Variants in ADCY3 observed in about 807,000 individuals in gnomAD.
ADCY3 encodes adenylate cyclase 3.
In ADCY3, 70 loss-of-function variants were observed where a neutral mutation model predicts 119.4. The ratio of observed to expected loss-of-function variants is 0.59; its 90% CI spans 0.48 to 0.72. The LOEUF is 0.72. ADCY3 is among the 30% of genes least tolerant of loss of function. The probability of loss-of-function intolerance (pLI) is 0.00; values close to 1 mark genes in which losing one functional copy is unlikely to be tolerated. For synonymous variants in ADCY3, 672 were observed against 621.4 expected (o/e 1.08, Z -1.21); for missense variants, 1,238 against 1,541.6 (o/e 0.80, Z 3.30).
chr2:24,886,639 T>C (rs986023820), intron 2 of ADCY3, among the ~76,000 whole-genome samples: 3 of 151,758 alleles, frequency 2.0e-5, no homozygotes, highest in African/African-American at 7.3e-5. Flanking sequence ...CCGAGATGGG[T>C]GTGAGCTGCG....
intron 2 of ADCY3, among the ~76,000 whole-genome samples, chr2:24,895,355 G>A (rs992306417): frequency 6.6e-6 from 1 of 152,128 alleles, no homozygotes; most frequent in African/African-American, 2.4e-5. Context: ...CCAAAGTGCT[G>A]AGATTACAGG....
At chr2:24,864,541 C>G (rs556000527) in intron 3 of ADCY3, among the ~76,000 whole-genome samples, 1 of 152,216 alleles carries the variant, frequency 6.6e-6, no homozygotes, top group South Asian at 2.1e-4. Flanking sequence ...TCAGCCTTAA[C>G]GGGAAAGAAA....
At chr2:24,888,244 G>A (rs1677294012) in intron 2 of ADCY3, among the ~76,000 whole-genome samples, 1 of 152,218 alleles carries the variant, frequency 6.6e-6, no homozygotes, top group Non-Finnish European at 1.5e-5. Context: ...CAGCCTCTGA[G>A]GTGGAATGCT....
At chr2:24,856,492 G>A (rs957059176) in intron 3 of ADCY3, among the ~76,000 whole-genome samples, 6 of 152,192 alleles carry the variant, frequency 3.9e-5, no homozygotes, top group Non-Finnish European at 5.9e-5. Flanking sequence ...CACCCCACCA[G>A]GGCGTCCATC....
Position 24,899,072 on chromosome 2 carries a change from C to A in ADCY3, c.675+19241G>T, listed in dbSNP as rs1024549212. The stretch of plus-strand genomic sequence containing the variant: ...GTCACTGGCTTCCAATGTCCCCCTA[C>A]CCCTCCCACCTTTTCCCAGCTCACC... On this transcript the variant is annotated intron_variant, in intron 2 of 21. Transcript: ENST00000679454. This position sits in a 1 kb window ranked among gnomAD's most constrained non-coding sequence, Gnocchi z 4.5. 6.6e-6 allele frequency among the ~76,000 whole-genome samples: 1 copy of A among 152,104 alleles called. No homozygotes were observed. Among genetic ancestry groups the A allele is most frequent in the African/African-American group, 2.4e-5 (1 of 41,420 alleles).
intron 3 of ADCY3, among the ~76,000 whole-genome samples, chr2:24,849,107 T>C (rs1207170344): frequency 2.0e-5 from 3 of 152,174 alleles, no homozygotes; most frequent in African/African-American, 7.2e-5. Context: ...CTGGCCTCCC[T>C]CCCAGCCTAC....
intron 2 of ADCY3, among the ~76,000 whole-genome samples, chr2:24,882,665 A>T (rs1676534953): frequency 6.6e-6 from 1 of 152,242 alleles, no homozygotes; most frequent in Non-Finnish European, 1.5e-5. Context: ...CAAAGTGGTC[A>T]GTTCAACTCT....
rs143199260 is a variant in ADCY3 at position 24,918,588 on chromosome 2, C to A, written c.400G>T (p.Val134Phe). 5.6e-6 allele frequency: 9 copies of A among 1,614,022 alleles called. No individual in the cohort carries two copies. In the African/African-American group the frequency reaches 1.2e-4, roughly 22 times the overall value. ...ACGTAGGGCAGCACTCTGCGGGTGA[C>A]CCGGTCCGGGAGCAGCCCCTTTTTG... ...LCKKGLLPDR[V>F]TRRVLPYVLW... is the part of the protein sequence containing the mutation. Residue 134 changes from valine (V) to phenylalanine (F), a missense_variant, in exon 2 of 22, where the codon GTC becomes TTC. Physicochemically the swap from Val to Phe is conservative, Grantham distance 50 (BLOSUM62 -1). Around this residue, in one of 7 missense-constraint regions of ADCY3, gnomAD observed 227 missense variants for 249.3 expected, o/e 0.91. Coordinates refer to ENST00000679454, the MANE Select transcript of ADCY3 (RefSeq NM_004036.5). The surrounding 1 kb of genome is among the most constrained non-coding windows in gnomAD (Gnocchi z 5.4).
In ADCY3 at chr2:24,919,080, G is replaced by C; in HGVS notation, c.-93C>G. On this transcript the variant is annotated 5_prime_UTR_variant, in exon 2 of 22. Transcript: ENST00000679454. The surrounding 1 kb of genome is among the most constrained non-coding windows in gnomAD (Gnocchi z 5.5). ...CCTCCTCTCAGGGCTCTCTGAGACC[G>C]GGGGAGGGCTGAGGGCCTCTTCTTG... 7.5e-7 allele frequency: 1 copy of C among 1,325,954 alleles called. No homozygotes were observed. Among genetic ancestry groups the C allele is most frequent in the Middle Eastern group, 1.9e-4 (1 of 5,290 alleles). 82.1% of individuals were successfully genotyped at this position (1,325,954 alleles called of 1,614,324 possible).
intron 11 of ADCY3, among the ~76,000 whole-genome samples, chr2:24,833,446 G>C (rs1473509147): frequency 6.6e-6 from 1 of 152,208 alleles, no homozygotes; most frequent in East Asian, 1.9e-4. Flanking sequence ...TATCCTGCCA[G>C]CAAGTCCTGC....
chr2:24,860,498 C>T (rs752216731), intron 3 of ADCY3, among the ~76,000 whole-genome samples: 8 of 152,342 alleles, frequency 5.3e-5, no homozygotes, highest in Admixed American at 2.0e-4. Flanking sequence ...AGCTCCAAAT[C>T]CACAAGGCCT....
At chr2:24,866,786 A>C (rs1041880136) in intron 3 of ADCY3, among the ~76,000 whole-genome samples, 57 of 152,240 alleles carry the variant, frequency 3.7e-4, no homozygotes, top group African/African-American at 1.2e-3. Context: ...AAAAATATAT[A>C]ATTGAAATTG....
chr2:24,879,839 G>A (rs1045767372), intron 2 of ADCY3, among the ~76,000 whole-genome samples: 9 of 152,020 alleles, frequency 5.9e-5, no homozygotes, highest in African/African-American at 9.7e-5. Flanking sequence ...GGCTACAGCC[G>A]CGGCACAGGG....
At chr2:24,866,564 CAAAAA>C (rs71397449) in intron 3 of ADCY3, among the ~76,000 whole-genome samples, 1 of 46,560 alleles carries the variant, frequency 2.1e-5, no homozygotes, top group Non-Finnish European at 3.7e-5. Flanking sequence ...GACCCTGTCT[CAAAAA>C]AAAAAAAAAA....
At chr2:24,885,388 T>A (rs1365801494) in intron 2 of ADCY3, among the ~76,000 whole-genome samples, 1 of 152,136 alleles carries the variant, frequency 6.6e-6, no homozygotes, top group African/African-American at 2.4e-5. Context: ...TGTCATGGTC[T>A]CCCCTAACCA....
intron 2 of ADCY3, among the ~76,000 whole-genome samples, chr2:24,900,796 G>A (rs1077641): frequency 0.32 from 49,229 of 152,044 alleles, 8,139 homozygotes; most frequent in East Asian, 0.38. Context: ...AGGAAAGGGT[G>A]GCTCATGCCT....
intron 13 of ADCY3, among the ~76,000 whole-genome samples, chr2:24,829,412 ATTTTTTTTTTTTTTT>A (rs67246369): frequency 6.3e-5 from 4 of 63,790 alleles, no homozygotes; most frequent in Non-Finnish European, 1.1e-4. Context: ...GTGTGCTCCA[ATTTTTTTTTTTTTTT>A]TTTTTTTTTT....
Position 24,842,159 on chromosome 2 carries a change from AC to A in ADCY3, c.956+94del, listed in dbSNP as rs769533799. ...AGGCCTTGCTTCTAGTCCCTGGAAAACCTCTTGAAGCCCACAGCACCTAGCG... is the reference window on the plus strand; with the variant it reads ...AGGCCTTGCTTCTAGTCCCTGGAAAACTCTTGAAGCCCACAGCACCTAGCG... On this transcript the variant is annotated intron_variant, in intron 4 of 21. Coordinates refer to ENST00000679454, the MANE Select transcript of ADCY3 (RefSeq NM_004036.5). The surrounding 1 kb of genome is among the most constrained non-coding windows in gnomAD (Gnocchi z 4.9). 6 of 1,559,242 alleles carry A rather than the reference AC, an allele frequency of 3.8e-6. No individual in the cohort carries two copies. Among genetic ancestry groups the A allele is most frequent in the Non-Finnish European group, 5.2e-6 (6 of 1,149,450 alleles).
chr2:24,909,025 C>G (rs375795641), intron 2 of ADCY3, among the ~76,000 whole-genome samples: 11 of 152,230 alleles, frequency 7.2e-5, no homozygotes, highest in African/African-American at 2.7e-4. Flanking sequence ...CGATGATTCT[C>G]AAATCTGCAA....
Sources: allele counts gnomAD v4.1 joint callset (sites outside exome capture counted in the v4.1 genomes callset), GRCh38; gene constraint gnomAD v4.1.1; regional missense constraint gnomAD v4.1.1; non-coding constraint Gnocchi (gnomAD v3.1); transcripts MANE v1.5; gene names NCBI Gene and HGNC (gene_info 2026-07-23, HGNC 2026-07-21).